Variants in EPHA6 observed in about 807,000 individuals in gnomAD.
The protein encoded by EPHA6 is EPH receptor A6, also known as ephrin type-A receptor 6.
EPHA6 carries 50 observed loss-of-function variants against 112.0 expected under a neutral mutation model. The observed-to-expected ratio is 0.45, with a 90% CI of 0.36 to 0.56. The LOEUF is 0.56. Ranked by LOEUF, EPHA6 falls within the 20% of genes least tolerant of loss-of-function variation. EPHA6 has a pLI of 0.00. For synonymous variants in EPHA6, 529 were observed against 490.7 expected (o/e 1.08, Z -1.03); for missense variants, 1,280 against 1,417.4 (o/e 0.90, Z 1.56).
At chr3:97,268,084 T>C (rs1025429645) in intron 5 of EPHA6, among the ~76,000 whole-genome samples, 2 of 152,206 alleles carry the variant, frequency 1.3e-5, no homozygotes, top group African/African-American at 4.8e-5. Flanking sequence ...ACAAAGAGTG[T>C]TGGATTCCTT....
intron 3 of EPHA6, among the ~76,000 whole-genome samples, chr3:97,139,430 A>T (rs920294160): frequency 6.6e-6 from 1 of 152,178 alleles, no homozygotes. Flanking sequence ...TCCTGCTGAC[A>T]GAAGTGCAGG....
chr3:97,548,003 C>T (rs1577733038), intron 11 of EPHA6, among the ~76,000 whole-genome samples: 1 of 152,320 alleles, frequency 6.6e-6, no homozygotes, highest in Admixed American at 6.5e-5. Context: ...TTCCCTGACC[C>T]CTTGTGCTTC....
chr3:97,064,735 A>G (rs1013738270), intron 3 of EPHA6, among the ~76,000 whole-genome samples: 72 of 152,224 alleles, frequency 4.7e-4, no homozygotes, highest in African/African-American at 1.6e-3. Flanking sequence ...TCTGATACCA[A>G]GTGATACTGG....
At chr3:97,253,839 G>T (rs2079217170) in intron 5 of EPHA6, among the ~76,000 whole-genome samples, 1 of 151,970 alleles carries the variant, frequency 6.6e-6, no homozygotes, top group African/African-American at 2.4e-5. Flanking sequence ...TTTGGCCATT[G>T]TCTATCTATG....
At chr3:97,147,102 A>C (rs2076061538) in intron 3 of EPHA6, among the ~76,000 whole-genome samples, 1 of 151,970 alleles carries the variant, frequency 6.6e-6, no homozygotes, top group African/African-American at 2.4e-5. Flanking sequence ...TCCTTTACCT[A>C]AATTTTCCTT....
At chr3:97,256,367 A>C (rs1358066872) in intron 5 of EPHA6, among the ~76,000 whole-genome samples, 1 of 152,016 alleles carries the variant, frequency 6.6e-6, no homozygotes, top group Admixed American at 6.6e-5. Flanking sequence ...AGAGTATGGG[A>C]AGAGTTTTCC....
intron 3 of EPHA6, among the ~76,000 whole-genome samples, chr3:97,179,550 G>A (rs2076926516): frequency 6.6e-6 from 1 of 152,068 alleles, no homozygotes; most frequent in African/African-American, 2.4e-5. Flanking sequence ...TGGGTGTTGT[G>A]ATCTAACTAG....
intron 14 of EPHA6, among the ~76,000 whole-genome samples, chr3:97,695,633 C>T (rs2032984823): frequency 6.6e-6 from 1 of 152,182 alleles, no homozygotes; most frequent in African/African-American, 2.4e-5. Context: ...TTCTGCCTCC[C>T]AGGTTCAAGA....
At chr3:97,163,955 C>G (rs1225019771) in intron 3 of EPHA6, among the ~76,000 whole-genome samples, 2 of 152,286 alleles carry the variant, frequency 1.3e-5, no homozygotes, top group East Asian at 3.9e-4. Flanking sequence ...TTAACAATTT[C>G]AATTCTGCAG....
intron 11 of EPHA6, among the ~76,000 whole-genome samples, chr3:97,552,812 A>T (rs934313963): frequency 6.6e-6 from 1 of 152,154 alleles, no homozygotes; most frequent in South Asian, 2.1e-4. Flanking sequence ...AATTGTGTAT[A>T]CTCTGATTTT....
At chr3:97,324,995 C>T (rs1009835528) in intron 5 of EPHA6, among the ~76,000 whole-genome samples, 2 of 152,004 alleles carry the variant, frequency 1.3e-5, no homozygotes, top group African/African-American at 4.8e-5. Context: ...AAAGAGCCAT[C>T]CCATTCTGAA....
intron 3 of EPHA6, among the ~76,000 whole-genome samples, chr3:97,145,209 A>G (rs1429322535): frequency 6.6e-6 from 1 of 151,494 alleles, no homozygotes; most frequent in African/African-American, 2.4e-5. Context: ...AAATAAAACT[A>G]TATTGACAGA....
chr3:97,180,574 T>A (rs1485492753), intron 3 of EPHA6, among the ~76,000 whole-genome samples: 3 of 152,088 alleles, frequency 2.0e-5, no homozygotes, highest in African/African-American at 7.2e-5. Context: ...AGGTGATGAA[T>A]GCTGCCAAGA....
intron 3 of EPHA6, among the ~76,000 whole-genome samples, chr3:97,061,985 C>G: frequency 6.6e-6 from 1 of 152,086 alleles, no homozygotes; most frequent in Non-Finnish European, 1.5e-5. Flanking sequence ...ATAGGAGACA[C>G]TAGTTCAGCC....
At chr3:96,840,631 C>T (rs2034686110) in intron 1 of EPHA6, among the ~76,000 whole-genome samples, 1 of 152,096 alleles carries the variant, frequency 6.6e-6, no homozygotes, top group East Asian at 1.9e-4. Flanking sequence ...CTCTGCCTAA[C>T]TCAGAGCTGA....
At chr3:97,026,115 T>C (rs1037168431) in intron 3 of EPHA6, among the ~76,000 whole-genome samples, 1 of 146,914 alleles carries the variant, frequency 6.8e-6, no homozygotes, top group Non-Finnish European at 1.5e-5. Context: ...CTGGTCTATG[T>C]GTCTGATTTT....
chr3:97,577,687 C>T (rs903924838), intron 11 of EPHA6, among the ~76,000 whole-genome samples: 14 of 152,102 alleles, frequency 9.2e-5, no homozygotes, highest in African/African-American at 3.4e-4. Context: ...TTATCTCTAG[C>T]TATTCACTTC....
chr3:97,740,607 T>G (rs185050214), intron 16 of EPHA6, among the ~76,000 whole-genome samples: 2 of 152,228 alleles, frequency 1.3e-5, no homozygotes, highest in South Asian at 2.1e-4. Context: ...TCCAGTAATA[T>G]GTGAATCATG....
intron 3 of EPHA6, among the ~76,000 whole-genome samples, chr3:97,170,700 G>A (rs2076675453): frequency 1.3e-5 from 2 of 151,988 alleles, no homozygotes; most frequent in Non-Finnish European, 2.9e-5. Context: ...TCTTACCGCT[G>A]CCCTTCCACC....
Sources: allele counts gnomAD v4.1 joint callset (sites outside exome capture counted in the v4.1 genomes callset), GRCh38; gene constraint gnomAD v4.1.1; transcripts MANE v1.5; gene names NCBI Gene and HGNC (gene_info 2026-07-23, HGNC 2026-07-21).